Variants in DNAH9 observed in about 807,000 individuals in gnomAD.
DNAH9 encodes the protein dynein axonemal heavy chain 9.
A neutral mutation model predicts 471.6 loss-of-function variants in DNAH9; 345 were observed. The observed-to-expected ratio is 0.73, with a 90% CI of 0.67 to 0.80. The LOEUF (loss-of-function observed/expected upper bound fraction) is 0.80, where lower values mean the gene tolerates loss of function less well. DNAH9 is among the 30% of genes least tolerant of loss of function. DNAH9 has a pLI of 0.00. For missense variants in DNAH9, 5,407 were observed against 5,609.2 expected (o/e 0.96, Z 1.15); for synonymous variants, 2,093 against 2,123.6 (o/e 0.99, Z 0.40).
chr17:11,598,533 C>T lies in DNAH9; in HGVS notation c.35C>T (p.Ala12Val), dbSNP rs748148445. The T allele has an allele frequency of 2.1e-6, 3 of 1,400,530 alleles. No homozygotes were observed. The highest frequency in any genetic ancestry group is 3.0e-5 in the African/African-American group (2 of 66,242). The allele number at this position is 1,400,530 out of a possible 1,614,324, so 86.8% of individuals were successfully genotyped here. ...RLAEERAALA[A>V]ENADGEPGAD... ...GCGGAGGAGCGGGCCGCGCTCGCGGCGGAGAACGCGGATGGGGAACCCGGC... is the reference window on the plus strand; with the variant it reads ...GCGGAGGAGCGGGCCGCGCTCGCGGTGGAGAACGCGGATGGGGAACCCGGC... The change falls in exon 1 of 69, where the codon GCG becomes GTG. Residue 12 changes from alanine (A) to valine (V), a missense_variant. By Grantham distance (64) the Ala-to-Val change is moderately conservative (BLOSUM62 0). Around this residue, in one of 3 missense-constraint regions of DNAH9, gnomAD observed 767 missense variants for 692.5 expected, o/e 1.11. Coordinates refer to ENST00000262442, the MANE Select transcript of DNAH9 (RefSeq NM_001372.4).
intron 49 of DNAH9, among the ~76,000 whole-genome samples, chr17:11,836,904 A>G (rs1228192856): frequency 6.6e-6 from 1 of 152,216 alleles, no homozygotes; most frequent in Non-Finnish European, 1.5e-5. Context: ...TACTAGTTGC[A>G]CTACTTAGTA....
In DNAH9 at chr17:11,669,352, G is replaced by A. The variant is rs73975043; in HGVS notation, c.2929-18G>A. 262,789 of 1,602,390 alleles carry A rather than the reference G, an allele frequency of 0.16. 23,415 individuals are homozygous for A. Among genetic ancestry groups the A allele is most frequent in the African/African-American group, 0.21 (15,852 of 74,722 alleles). On this transcript the variant is annotated intron_variant, in intron 16 of 68. Transcript: ENST00000262442. ...CACACACTGGTGTAACCTGCCTGCC[G>A]TTGTCTCGCTTCCCCAGGTCGACCT...
chr17:11,605,280 C>T (rs2072476705), intron 1 of DNAH9, among the ~76,000 whole-genome samples: 1 of 152,192 alleles, frequency 6.6e-6, no homozygotes, highest in Non-Finnish European at 1.5e-5. Context: ...ACTCCTGATT[C>T]CCTTCACATG....
At chr17:11,849,074 G>A (rs914474654) in intron 49 of DNAH9, among the ~76,000 whole-genome samples, 2 of 152,156 alleles carry the variant, frequency 1.3e-5, no homozygotes, top group African/African-American at 4.8e-5. Flanking sequence ...CTGACCTCGT[G>A]ATCCACCTGC....
chr17:11,836,806 A>C (rs1435150027), intron 49 of DNAH9, among the ~76,000 whole-genome samples: 1 of 152,224 alleles, frequency 6.6e-6, no homozygotes. Flanking sequence ...TGTCTTGTTC[A>C]CTGATCATTC....
intron 26 of DNAH9, among the ~76,000 whole-genome samples, chr17:11,717,362 G>A (rs1028151933): frequency 9.6e-5 from 14 of 146,180 alleles, no homozygotes; most frequent in African/African-American, 2.7e-4. Flanking sequence ...GTGAGACCCC[G>A]TCTCTATTTT....
chr17:11,801,824 G>GA (rs1184772794), intron 43 of DNAH9, among the ~76,000 whole-genome samples: 1 of 152,010 alleles, frequency 6.6e-6, no homozygotes, highest in Non-Finnish European at 1.5e-5. Flanking sequence ...AATTTAATTT[G>GA]AAAAAATTGT....
At chr17:11,819,271 T>C (rs773214528) in intron 45 of DNAH9, among the ~76,000 whole-genome samples, 84 of 152,334 alleles carry the variant, frequency 5.5e-4, no homozygotes, top group Non-Finnish European at 1.1e-3. Context: ...GGAGGGATGA[T>C]GAGGTATCAC....
At position 11,626,066 on chromosome 17, in the gene DNAH9, G is replaced by A. The variant is rs141487102; in HGVS notation, c.1351-3351G>A. The stretch of plus-strand genomic sequence containing the variant: ...ATAGCTAGTAAATGATGGAACCAGA[G>A]TTGCGTAAACTCAGGGTTTTTTGTT... On this transcript the variant is annotated intron_variant, in intron 6 of 68. Coordinates refer to ENST00000262442, the MANE Select transcript of DNAH9 (RefSeq NM_001372.4). The surrounding 1 kb of genome is among the most constrained non-coding windows in gnomAD (Gnocchi z 4.3). Among the ~76,000 whole-genome samples, 177 of 152,296 alleles carry A rather than the reference G, an allele frequency of 1.2e-3. 1 individual carries two copies. Among genetic ancestry groups the A allele is most frequent in the Non-Finnish European group, 1.7e-3 (116 of 68,030 alleles).
At chr17:11,792,901 T>C (rs1414419926) in intron 41 of DNAH9, among the ~76,000 whole-genome samples, 1 of 152,190 alleles carries the variant, frequency 6.6e-6, no homozygotes, top group Non-Finnish European at 1.5e-5. Flanking sequence ...AATCTTCACA[T>C]TATACAAAAT....
intron 10 of DNAH9, 129 bp from the exon 11 acceptor site, chr17:11,644,502 C>T (rs946797612): frequency 3.0e-6 from 2 of 658,462 alleles, no homozygotes; most frequent in Non-Finnish European, 5.0e-6. Context: ...AAGAAAGGCT[C>T]TTTCAGGGCT....
chr17:11,850,570 G>A (rs1971379056), intron 49 of DNAH9, among the ~76,000 whole-genome samples: 1 of 151,154 alleles, frequency 6.6e-6, no homozygotes, highest in African/African-American at 2.4e-5. Flanking sequence ...AGAATCGCCT[G>A]AACCCGGGAG....
intron 48 of DNAH9, among the ~76,000 whole-genome samples, chr17:11,825,678 T>A (rs73296442): frequency 0.034 from 5,117 of 152,248 alleles, 199 homozygotes; most frequent in East Asian, 0.17. Context: ...CAGGTTCTTG[T>A]CTTTGCCACA....
At chr17:11,950,297 G>A (rs1352543054) in intron 67 of DNAH9, among the ~76,000 whole-genome samples, 4 of 152,070 alleles carry the variant, frequency 2.6e-5, no homozygotes, top group Non-Finnish European at 5.9e-5. Context: ...ACTTTCTATG[G>A]GTTTGGACAA....
intron 24 of DNAH9, among the ~76,000 whole-genome samples, chr17:11,703,848 T>C (rs201045203): frequency 7.9e-5 from 12 of 152,258 alleles, no homozygotes; most frequent in East Asian, 7.7e-4. Context: ...TTGGGCAACA[T>C]ATTGTCATCC....
intron 8 of DNAH9, among the ~76,000 whole-genome samples, chr17:11,635,356 T>A (rs56350244): frequency 0.36 from 46,628 of 128,142 alleles, 5,690 homozygotes; most frequent in African/African-American, 0.48. Flanking sequence ...TTTTTTTTTT[T>A]TTTTTAGTAG....
chr17:11,672,787 G>A (rs951467601), intron 17 of DNAH9, among the ~76,000 whole-genome samples: 22 of 152,244 alleles, frequency 1.4e-4, no homozygotes, highest in African/African-American at 5.3e-4. Context: ...TGCATTCTCA[G>A]TGGGGCTCAG....
At chr17:11,640,562 T>G (rs918376892) in intron 10 of DNAH9, among the ~76,000 whole-genome samples, 178 bp downstream of exon 10, 3 of 152,206 alleles carry the variant, frequency 2.0e-5, no homozygotes, top group Non-Finnish European at 4.4e-5. Context: ...TTGATGCATT[T>G]GGACTGAAGG....
intron 48 of DNAH9, among the ~76,000 whole-genome samples, chr17:11,826,315 C>A (rs1970487122): frequency 6.6e-6 from 1 of 152,178 alleles, no homozygotes; most frequent in Admixed American, 6.5e-5. Flanking sequence ...TTCTCTACTT[C>A]AATGAATGAT....
Sources: gnomAD v4.1 joint callset for allele counts (sites outside exome capture counted in the v4.1 genomes callset) on GRCh38, gnomAD v4.1.1 for gene constraint, gnomAD v4.1.1 regional missense constraint, Gnocchi (gnomAD v3.1) non-coding constraint, MANE v1.5 for transcripts, NCBI Gene and HGNC (gene_info 2026-07-23, HGNC 2026-07-21) for gene names.